Variants in CHD9 observed in about 807,000 individuals in gnomAD.
The protein encoded by CHD9 is ATP-dependent chromatin remodeler CHD9.
Under a neutral mutation model 316.1 loss-of-function variants are expected in CHD9, and 77 were observed. That is an observed-to-expected ratio of 0.24 (90% CI 0.20 to 0.29). The LOEUF is 0.29. Among genes scored for constraint, CHD9 ranks in the 10% least tolerant of loss-of-function variants. The probability of loss-of-function intolerance (pLI) is 1.00; values close to 1 mark genes in which losing one functional copy is unlikely to be tolerated. For synonymous variants in CHD9, 1,129 were observed against 1,158.3 expected, an observed-to-expected ratio of 0.97 and a Z score of 0.51; for missense variants, 2,763 against 3,438.1, an observed-to-expected ratio of 0.80 and a Z score of 4.91.
At chr16:53,163,769 T>G (rs1392880697) in intron 2 of CHD9, among the ~76,000 whole-genome samples, 3 of 152,202 alleles carry the variant, frequency 2.0e-5, no homozygotes. Flanking sequence ...TCTTCATATT[T>G]TTATCGCATA....
At chr16:53,256,891 T>C (rs1367808124) in intron 19 of CHD9, among the ~76,000 whole-genome samples, 2 of 152,176 alleles carry the variant, frequency 1.3e-5, no homozygotes, top group African/African-American at 4.8e-5. Context: ...GTACAGGTGC[T>C]GTACCAAAGT....
At chr16:53,128,809 A>G (rs1159163771) in intron 1 of CHD9, among the ~76,000 whole-genome samples, 1 of 152,222 alleles carries the variant, frequency 6.6e-6, no homozygotes, top group African/African-American at 2.4e-5. Context: ...ATGTCACAAG[A>G]ACTTATGTAC....
intron 1 of CHD9, among the ~76,000 whole-genome samples, chr16:53,109,680 T>TC (rs2037683431): frequency 1.3e-4 from 11 of 87,200 alleles, no homozygotes; most frequent in Middle Eastern, 4.8e-3. Context: ...CCAGTTTCTT[T>TC]TTTTTTTTTT....
chr16:53,231,331 G>A, intron 8 of CHD9, 88 bp from the exon 9 acceptor site: 2 of 685,960 alleles, frequency 2.9e-6, no homozygotes, highest in Non-Finnish European at 5.1e-6. Flanking sequence ...AACTTACAAG[G>A]TCTATAGTGA....
intron 1 of CHD9, among the ~76,000 whole-genome samples, chr16:53,109,071 C>G (rs1157881260): frequency 6.6e-6 from 1 of 152,122 alleles, no homozygotes; most frequent in East Asian, 1.9e-4. Context: ...TGGATTGCCA[C>G]TGCTGGAAAG....
chr16:53,143,358 T>TTTTATTTATTTATTTA (rs55793321), intron 1 of CHD9, among the ~76,000 whole-genome samples: 113 of 137,986 alleles, frequency 8.2e-4, no homozygotes, highest in East Asian at 2.7e-3. Flanking sequence ...TTTTATCTTA[T>TTTTATTTATTTATTTA]TTTATTTATT....
chr16:53,210,653 A>G (rs1284945352), intron 3 of CHD9, among the ~76,000 whole-genome samples: 1 of 152,090 alleles, frequency 6.6e-6, no homozygotes, highest in African/African-American at 2.4e-5. Flanking sequence ...TAAAGGGGTC[A>G]ATCTAACTTT....
At chr16:53,188,602 CTTTTTTTTTTTTTT>C (rs369979479) in intron 2 of CHD9, among the ~76,000 whole-genome samples, 4 of 71,236 alleles carry the variant, frequency 5.6e-5, no homozygotes, top group Non-Finnish European at 8.3e-5. Context: ...TGGTCATTAC[CTTTTTTTTTTTTTT>C]TTTTTTTTTT....
chr16:53,323,778 A>T (rs941462996), intron 38 of CHD9, among the ~76,000 whole-genome samples: 1 of 152,172 alleles, frequency 6.6e-6, no homozygotes, highest in African/African-American at 2.4e-5. Flanking sequence ...GTTTTACAGT[A>T]TGGAGGAAGG....
intron 1 of CHD9, among the ~76,000 whole-genome samples, chr16:53,152,771 A>G (rs552710499): frequency 6.6e-6 from 1 of 152,310 alleles, no homozygotes; most frequent in East Asian, 1.9e-4. Flanking sequence ...GATTTAAGGT[A>G]GTGATATATA....
chr16:53,197,732 G>T (rs977723313), intron 2 of CHD9, among the ~76,000 whole-genome samples: 2 of 150,068 alleles, frequency 1.3e-5, no homozygotes, highest in Non-Finnish European at 3.0e-5. Flanking sequence ...TCTCTGCGCC[G>T]CAACCTCCGT....
chr16:53,310,602 C>T (rs2056378875), intron 34 of CHD9, among the ~76,000 whole-genome samples: 1 of 151,704 alleles, frequency 6.6e-6, no homozygotes, highest in South Asian at 2.1e-4. Flanking sequence ...AATCCCAGAA[C>T]TCTGGGAGGC....
chr16:53,295,150 G>A (rs550050991), intron 29 of CHD9, among the ~76,000 whole-genome samples: 5 of 152,092 alleles, frequency 3.3e-5, no homozygotes, highest in South Asian at 2.1e-4. Flanking sequence ...TTCTTGAGAC[G>A]GAGTCTCCCT....
chr16:53,294,476 G>T (rs1371309129), intron 29 of CHD9, among the ~76,000 whole-genome samples: 1 of 152,118 alleles, frequency 6.6e-6, no homozygotes, highest in Admixed American at 6.5e-5. Context: ...TCCCAATTCT[G>T]TGAGTTGACC....
At chr16:53,059,383 T>A (rs1045138638) in intron 1 of CHD9, among the ~76,000 whole-genome samples, 3 of 152,186 alleles carry the variant, frequency 2.0e-5, no homozygotes, top group Non-Finnish European at 2.9e-5. Flanking sequence ...GTGGGAGGAA[T>A]GCTTGAGGCC....
intron 1 of CHD9, among the ~76,000 whole-genome samples, chr16:53,097,354 CCCTTCCTTCCTTCCTTCCTTCCTT>C (rs58688221): frequency 2.2e-5 from 2 of 92,088 alleles, no homozygotes; most frequent in African/African-American, 5.0e-5. Flanking sequence ...ACCTCGCTCT[CCCTTCCTTCCTTCCTTCCTTCCTT>C]CCTTCCTTCC....
intron 1 of CHD9, among the ~76,000 whole-genome samples, chr16:53,134,351 A>G (rs866130769): frequency 1.1e-4 from 16 of 152,220 alleles, no homozygotes; most frequent in African/African-American, 3.6e-4. Flanking sequence ...GATTTCTTAT[A>G]TAAGATTTAG....
intron 1 of CHD9, among the ~76,000 whole-genome samples, chr16:53,087,374 G>A (rs1004425586): frequency 1.3e-5 from 2 of 152,164 alleles, no homozygotes; most frequent in African/African-American, 4.8e-5. Flanking sequence ...TCTCCTGGCA[G>A]ATGCTCTACT....
chr16:53,124,870 G>C (rs1217082287), intron 1 of CHD9, among the ~76,000 whole-genome samples: 1 of 152,196 alleles, frequency 6.6e-6, no homozygotes, highest in African/African-American at 2.4e-5. Flanking sequence ...CTACACGTGG[G>C]AATTATGGGA....
Sources: gnomAD v4.1 joint callset for allele counts (sites outside exome capture counted in the v4.1 genomes callset) on GRCh38, gnomAD v4.1.1 for gene constraint, MANE v1.5 for transcripts, NCBI Gene and HGNC (gene_info 2026-07-23, HGNC 2026-07-21) for gene names.